Variants in ANO3 observed in about 807,000 individuals in gnomAD.
The protein encoded by ANO3 is anoctamin 3.
ANO3 carries 99 observed loss-of-function variants against 144.8 expected under a neutral mutation model. The observed-to-expected ratio is 0.68, with a 90% confidence interval of 0.58 to 0.81. ANO3 has a LOEUF of 0.81. Ranked by LOEUF, ANO3 falls within the 30% of genes least tolerant of loss-of-function variation. ANO3 has a pLI of 0.00. For missense variants in ANO3, 905 were observed against 1,202.2 expected, an observed-to-expected ratio of 0.75 and a Z score of 3.66; for synonymous variants, 414 against 392.6, an observed-to-expected ratio of 1.05 and a Z score of -0.64.
At chr11:26,510,132 C>CAAAAAAAAAA (rs67543168) in intron 5 of ANO3, among the ~76,000 whole-genome samples, 40 of 46,494 alleles carry the variant, frequency 8.6e-4, no homozygotes, top group Non-Finnish European at 1.2e-3. Flanking sequence ...GACTCCATCT[C>CAAAAAAAAAA]AAAAAAAAAA....
intron 1 of ANO3, among the ~76,000 whole-genome samples, chr11:26,235,596 T>C (rs1213475600): frequency 1.9e-5 from 1 of 51,578 alleles, no homozygotes; most frequent in Non-Finnish European, 4.7e-5. Flanking sequence ...AATGTATACT[T>C]TTTTTTTTTT....
At chr11:26,418,139 G>A (rs1297695921) in intron 1 of ANO3, among the ~76,000 whole-genome samples, 1 of 152,064 alleles carries the variant, frequency 6.6e-6, no homozygotes, top group East Asian at 1.9e-4. Context: ...AAACCCACAA[G>A]TAAGAACAGC....
chr11:26,314,579 A>G (rs1166972789), intron 1 of ANO3, among the ~76,000 whole-genome samples: 1 of 152,068 alleles, frequency 6.6e-6, no homozygotes, highest in Non-Finnish European at 1.5e-5. Flanking sequence ...AAGTCAGCCA[A>G]CCTTCCCCTC....
upstream of ANO3, chr11:26,331,998 C>G: frequency 1.2e-6 from 1 of 836,692 alleles, no homozygotes; most frequent in Non-Finnish European, 1.8e-6. Context: ...CCCCGCTCAA[C>G]GCCCACCCCT....
chr11:26,247,990 C>A (rs1368541355), intron 1 of ANO3, among the ~76,000 whole-genome samples: 1 of 151,910 alleles, frequency 6.6e-6, no homozygotes, highest in East Asian at 2.0e-4. Context: ...CTCGGCCTCC[C>A]AAAGTCCTCT....
intron 13 of ANO3, among the ~76,000 whole-genome samples, chr11:26,557,679 A>G (rs959232717): frequency 6.6e-6 from 1 of 152,152 alleles, no homozygotes; most frequent in Non-Finnish European, 1.5e-5. Flanking sequence ...CTCTTGTCCT[A>G]TTAGACAGAA....
rs140204732 is a variant in ANO3 at position 26,442,813 on chromosome 11, C to A, written c.241+701C>A. 7.1e-3 allele frequency among the ~76,000 whole-genome samples: 1,085 copies of A among 152,264 alleles called. 18 individuals are homozygous for A. Among genetic ancestry groups the A allele is most frequent in the Middle Eastern group, 0.01 (3 of 294 alleles). On this transcript the variant is annotated intron_variant, in intron 2 of 26. Coordinates refer to ENST00000256737, the MANE Select transcript of ANO3 (RefSeq NM_031418.4). ...ATGGAGTCTTGCTCTGTCGCCCAGG[C>A]TGGAGTGCAGTGGGACGATGTCGGC...
intron 1 of ANO3, among the ~76,000 whole-genome samples, chr11:26,359,178 G>A (rs930666801): frequency 1.3e-5 from 2 of 152,164 alleles, no homozygotes; most frequent in African/African-American, 4.8e-5. Flanking sequence ...ATATTGCTAT[G>A]AATATCCTCA....
intron 1 of ANO3, among the ~76,000 whole-genome samples, chr11:26,201,359 A>G (rs1374042550): frequency 6.6e-6 from 1 of 152,166 alleles, no homozygotes; most frequent in East Asian, 1.9e-4. Context: ...TATTCAAGAT[A>G]AGAACCAAGA....
intron 1 of ANO3, among the ~76,000 whole-genome samples, chr11:26,203,570 A>G (rs1851738546): frequency 6.6e-6 from 1 of 152,096 alleles, no homozygotes; most frequent in African/African-American, 2.4e-5. Context: ...GATTTGGGGG[A>G]GAGGTGGCTA....
chr11:26,600,315 T>C (rs117321472), intron 17 of ANO3, among the ~76,000 whole-genome samples: 6 of 46,088 alleles, frequency 1.3e-4, no homozygotes, highest in Non-Finnish European at 2.0e-4. Context: ...TCTCCTCTCC[T>C]CTCCCCTCCC....
intron 1 of ANO3, among the ~76,000 whole-genome samples, chr11:26,245,276 G>A (rs1852764894): frequency 6.6e-6 from 1 of 152,084 alleles, no homozygotes; most frequent in Non-Finnish European, 1.5e-5. Context: ...ATTCTTCTTT[G>A]CAAAGGCATT....
At chr11:26,276,302 G>C (rs1853558957) in intron 1 of ANO3, among the ~76,000 whole-genome samples, 1 of 152,080 alleles carries the variant, frequency 6.6e-6, no homozygotes, top group South Asian at 2.1e-4. Context: ...ATTCTGATTA[G>C]GAAGATCTGG....
At chr11:26,358,860 C>T (rs1429864446) in intron 1 of ANO3, among the ~76,000 whole-genome samples, 1 of 152,042 alleles carries the variant, frequency 6.6e-6, no homozygotes, top group Non-Finnish European at 1.5e-5. Flanking sequence ...CCACAATTGT[C>T]ATTAATCCTA....
At position 26,248,385 on chromosome 11, in the gene ANO3, A is replaced by C. The variant is rs555933467; in HGVS notation, c.154+59055A>C. On this transcript the variant is annotated intron_variant, in intron 1 of 27. Transcript: ENST00000672621. Reference sequence around the variant, plus strand: ...GAAAGAAAGAAAAAGGAAGGGTTTAAAATTTTATTTCTTCCAAGCTGATCT... The same window carrying C: ...GAAAGAAAGAAAAAGGAAGGGTTTACAATTTTATTTCTTCCAAGCTGATCT... 8.2e-4 allele frequency among the ~76,000 whole-genome samples: 125 copies of C among 152,102 alleles called. 1 individual carries two copies. The highest frequency in any genetic ancestry group is 3.2e-4 in the Non-Finnish European group (22 of 67,954).
At chr11:26,548,098 G>T (rs376771961) in intron 12 of ANO3, among the ~76,000 whole-genome samples, 1 of 151,904 alleles carries the variant, frequency 6.6e-6, no homozygotes, top group Non-Finnish European at 1.5e-5. Context: ...TCCTGAGTAC[G>T]TGACAAAACG....
At chr11:26,391,929 A>G (rs112828952) in intron 1 of ANO3, among the ~76,000 whole-genome samples, 18 of 152,170 alleles carry the variant, frequency 1.2e-4, no homozygotes, top group African/African-American at 4.3e-4. Flanking sequence ...ATCACTCACC[A>G]TTTTGATGTC....
chr11:26,254,125 C>T (rs1853001029), intron 1 of ANO3, among the ~76,000 whole-genome samples: 1 of 152,110 alleles, frequency 6.6e-6, no homozygotes, highest in Non-Finnish European at 1.5e-5. Context: ...TTGACATACA[C>T]AAAGGTAAAG....
chr11:26,387,446 A>G (rs529392926), intron 1 of ANO3, among the ~76,000 whole-genome samples: 1 of 152,200 alleles, frequency 6.6e-6, no homozygotes, highest in South Asian at 2.1e-4. Context: ...AATCTACTAT[A>G]TGACCCTATT....
Sources: gnomAD v4.1 joint callset for allele counts (sites outside exome capture counted in the v4.1 genomes callset) on GRCh38, gnomAD v4.1.1 for gene constraint, MANE v1.5 for transcripts, NCBI Gene and HGNC (gene_info 2026-07-23, HGNC 2026-07-21) for gene names.